Variants in CCNY observed in about 807,000 individuals in gnomAD.
The protein encoded by CCNY is cyclin-Y.
In CCNY, 19 loss-of-function variants were observed where a neutral mutation model predicts 42.8. The observed-to-expected ratio is 0.44, with a 90% confidence interval of 0.31 to 0.65. The LOEUF (loss-of-function observed/expected upper bound fraction) is 0.65, where lower values mean the gene tolerates loss of function less well. Among genes scored for constraint, CCNY ranks in the 30% least tolerant of loss-of-function variants. The pLI is 0.07. For synonymous variants in CCNY, 165 were observed against 162.7 expected, an observed-to-expected ratio of 1.01 and a Z score of -0.11; for missense variants, 370 against 437.3, an observed-to-expected ratio of 0.85 and a Z score of 1.37.
intron 3 of CCNY, among the ~76,000 whole-genome samples, chr10:35,506,620 T>C (rs1225723163): frequency 6.6e-6 from 1 of 152,160 alleles, no homozygotes; most frequent in Non-Finnish European, 1.5e-5. Flanking sequence ...AAGTGGCACT[T>C]GTAAAGTGTA....
chr10:35,435,970 A>T (rs191379610), intron 1 of CCNY, among the ~76,000 whole-genome samples: 55 of 152,338 alleles, frequency 3.6e-4, no homozygotes, highest in Non-Finnish European at 3.5e-4. Flanking sequence ...GGAGGTGGTC[A>T]GCAGAAGTTC....
intron 1 of CCNY, among the ~76,000 whole-genome samples, chr10:35,364,047 A>G (rs1836758197): frequency 6.6e-6 from 1 of 152,200 alleles, no homozygotes; most frequent in African/African-American, 2.4e-5. Context: ...TTGAGAATAT[A>G]ATTTTCTAAT....
intron 9 of CCNY, among the ~76,000 whole-genome samples, chr10:35,567,393 C>CG (rs34167923): frequency 6.6e-6 from 1 of 152,182 alleles, no homozygotes; most frequent in South Asian, 2.1e-4. Flanking sequence ...GGAAAGGGGA[C>CG]GGGGTGGTAA....
intron 7 of CCNY, among the ~76,000 whole-genome samples, chr10:35,545,190 C>A (rs984247831): frequency 2.6e-5 from 4 of 152,194 alleles, no homozygotes; most frequent in Non-Finnish European, 5.9e-5. Flanking sequence ...CCAAACGAAA[C>A]CTGTCTGTGA....
At chr10:35,546,620 A>G (rs1841121027) in intron 7 of CCNY, among the ~76,000 whole-genome samples, 1 of 152,204 alleles carries the variant, frequency 6.6e-6, no homozygotes, top group African/African-American at 2.4e-5. Context: ...GCTAAATTAC[A>G]TATTTTTAAG....
intron 1 of CCNY, among the ~76,000 whole-genome samples, chr10:35,408,949 TG>T (rs1217483588): frequency 6.6e-6 from 1 of 151,926 alleles, no homozygotes; most frequent in Non-Finnish European, 1.5e-5. Context: ...TTCTTGTTTT[TG>T]TTTTTTTTTT....
intron 3 of CCNY, among the ~76,000 whole-genome samples, chr10:35,252,565 CAAAAAAAAAAAAAAAAAA>C (rs755376669): frequency 4.6e-5 from 1 of 21,538 alleles, no homozygotes; most frequent in African/African-American, 1.6e-4. Flanking sequence ...GACTCCGTCT[CAAAAAAAAAAAAAAAAAA>C]AAAAAAAAAT....
At chr10:35,254,874 G>A (rs60616028) in intron 3 of CCNY, among the ~76,000 whole-genome samples, 52,741 of 145,602 alleles carry the variant, frequency 0.36, 9,819 homozygotes, top group African/African-American at 0.46. Context: ...GAAAAAAAAA[G>A]GTGTGTTGTT....
At chr10:35,320,579 C>A (rs1835809157) in intron 3 of CCNY, among the ~76,000 whole-genome samples, 1 of 152,160 alleles carries the variant, frequency 6.6e-6, no homozygotes, top group African/African-American at 2.4e-5. Context: ...TGTCCAGTCT[C>A]AGGATTTCTA....
intron 3 of CCNY, among the ~76,000 whole-genome samples, chr10:35,285,169 A>G (rs1033494369): frequency 6.6e-6 from 1 of 151,860 alleles, no homozygotes; most frequent in Non-Finnish European, 1.5e-5. Context: ...GGTGCACACC[A>G]CCTGTAATTA....
Position 35,530,024 on chromosome 10 carries a change from TC to T in CCNY, c.454del (p.Leu152PhefsTer33). On this transcript the variant is annotated frameshift_variant, in exon 6 of 10. Coordinates refer to ENST00000374704, the MANE Select transcript of CCNY (RefSeq NM_145012.6). LOFTEE classifies it high-confidence loss of function. This position sits in a 1 kb window ranked among gnomAD's most constrained non-coding sequence, Gnocchi z 4.3. ...ATATTTTTGATGAAAATCTTCACCC[TC>T]TTTCGGTAATCTCCTCCGTGTGTTT... ...LDIFDENLHP[L>X]SKSEVPPDYD... 1 of 1,614,170 alleles carries T rather than the reference TC, an allele frequency of 6.2e-7. No individual in the cohort carries two copies. The highest frequency in any genetic ancestry group is 8.5e-7 in the Non-Finnish European group (1 of 1,179,972).
chr10:35,527,218 A>T (rs1015960937), intron 5 of CCNY, among the ~76,000 whole-genome samples: 1 of 152,228 alleles, frequency 6.6e-6, no homozygotes, highest in Non-Finnish European at 1.5e-5. Flanking sequence ...TAAATCTTGA[A>T]TTAGAGTAAT....
intron 7 of CCNY, among the ~76,000 whole-genome samples, chr10:35,541,423 A>T (rs1407292461): frequency 6.6e-6 from 1 of 152,178 alleles, no homozygotes; most frequent in Admixed American, 6.5e-5. Flanking sequence ...TTTGCGACGG[A>T]TCTCATTCTG....
intron 1 of CCNY, among the ~76,000 whole-genome samples, chr10:35,461,189 T>C (rs1839150392): frequency 1.3e-5 from 2 of 152,172 alleles, no homozygotes; most frequent in African/African-American, 4.8e-5. Context: ...GAGAAAATTA[T>C]TCCATGAGTC....
intron 1 of CCNY, among the ~76,000 whole-genome samples, chr10:35,440,515 C>G (rs1489918679): frequency 2.0e-5 from 3 of 152,214 alleles, no homozygotes. Context: ...ATCTGCCTAC[C>G]CTCCTCCAGA....
At chr10:35,554,517 T>G (rs537229534) in intron 8 of CCNY, among the ~76,000 whole-genome samples, 1 of 152,302 alleles carries the variant, frequency 6.6e-6, no homozygotes, top group South Asian at 2.1e-4. Context: ...AGGTGGACAT[T>G]TGGGTGCGAG....
chr10:35,468,371 T>G (rs1387296552), intron 1 of CCNY, among the ~76,000 whole-genome samples: 1 of 152,208 alleles, frequency 6.6e-6, no homozygotes, highest in Non-Finnish European at 1.5e-5. Flanking sequence ...AAATATTCAG[T>G]CTGTAGTGAT....
At chr10:35,368,697 G>A (rs914522656) in intron 1 of CCNY, among the ~76,000 whole-genome samples, 11 of 152,252 alleles carry the variant, frequency 7.2e-5, no homozygotes, top group Admixed American at 2.6e-4. Context: ...GGCCCCAGGC[G>A]TCAGGGCAGG....
At chr10:35,474,238 CCACGCTTGCTTAGGTAAA>C (rs1328648312) in intron 1 of CCNY, among the ~76,000 whole-genome samples, 1 of 152,208 alleles carries the variant, frequency 6.6e-6, no homozygotes, top group Non-Finnish European at 1.5e-5. Context: ...CCACCATTGC[CCACGCTTGCTTAGGTAAA>C]CACAGCAGCC....
Sources: gnomAD v4.1 joint callset for allele counts (sites outside exome capture counted in the v4.1 genomes callset) on GRCh38, gnomAD v4.1.1 for gene constraint, Gnocchi (gnomAD v3.1) non-coding constraint, MANE v1.5 for transcripts, NCBI Gene and HGNC (gene_info 2026-07-23, HGNC 2026-07-21) for gene names.